FMN1: variants seen among roughly 807,000 people sequenced by gnomAD.
FMN1 encodes the protein formin 1.
FMN1 carries 110 observed loss-of-function variants against 132.4 expected under a neutral mutation model. That is an observed-to-expected ratio of 0.83 (90% CI 0.71 to 0.97). FMN1 has a LOEUF of 0.97. FMN1 is among the 50% of genes least tolerant of loss of function. The pLI, the probability that FMN1 is intolerant of heterozygous loss-of-function variation, is 0.00. For synonymous variants in FMN1, 722 were observed against 651.7 expected (o/e 1.11, Z -1.64); for missense variants, 1,792 against 1,705.3 (o/e 1.05, Z -0.90).
chr15:33,007,561 C>T (rs2034484179), intron 7 of FMN1, among the ~76,000 whole-genome samples: 1 of 152,086 alleles, frequency 6.6e-6, no homozygotes, highest in Non-Finnish European at 1.5e-5. Flanking sequence ...AGAACTCCTC[C>T]TCCTCCACCT....
chr15:32,955,521 C>CT (rs1303153514), intron 9 of FMN1, among the ~76,000 whole-genome samples: 5 of 152,116 alleles, frequency 3.3e-5, no homozygotes, highest in African/African-American at 1.2e-4. Flanking sequence ...AGCACAGGCG[C>CT]TCAGCCTCAT....
At chr15:32,923,178 G>A (rs574477131) in intron 10 of FMN1, among the ~76,000 whole-genome samples, 8 of 152,264 alleles carry the variant, frequency 5.3e-5, no homozygotes, top group African/African-American at 1.4e-4. Flanking sequence ...AGGGCTGGTC[G>A]GCTGTGAGAT....
intron 17 of FMN1, among the ~76,000 whole-genome samples, chr15:32,820,951 C>T (rs375977184): frequency 1.3e-5 from 2 of 151,890 alleles, no homozygotes; most frequent in African/African-American, 4.8e-5. Context: ...AAGAAGGTCT[C>T]GTCTACTCCC....
At chr15:32,901,784 T>C (rs2060302773) in intron 13 of FMN1, 127 bp downstream of exon 13, 2 of 680,024 alleles carry the variant, frequency 2.9e-6, no homozygotes, top group Non-Finnish European at 4.4e-6. Context: ...AATCATCAAA[T>C]TTACACTTAG....
At chr15:32,984,038 CT>C (rs1238355692) in intron 7 of FMN1, among the ~76,000 whole-genome samples, 1 of 147,830 alleles carries the variant, frequency 6.8e-6, no homozygotes, top group African/African-American at 2.7e-5. Context: ...ATTTCTTCCC[CT>C]GTCTCTACAG....
intron 3 of FMN1, among the ~76,000 whole-genome samples, chr15:33,175,236 T>C (rs531349252): frequency 1.3e-5 from 2 of 152,208 alleles, no homozygotes; most frequent in East Asian, 1.9e-4. Context: ...TTTGTTTGTT[T>C]TTGTTCTTGT....
intron 17 of FMN1, among the ~76,000 whole-genome samples, chr15:32,840,870 T>C (rs2058731162): frequency 6.6e-6 from 1 of 152,160 alleles, no homozygotes; most frequent in Non-Finnish European, 1.5e-5. Context: ...AGTGGGAGAA[T>C]CGTTGTTTAA....
rs572490221 is a variant in FMN1, at chr15:33,034,127, G to A, written c.2162-26052C>T. ...ATATACATCTAGAGCTCAGAGCTCC[G>A]TTTCCCAATGCCACACTCATAAATC... is the stretch of plus-strand genomic sequence containing the variant. On this transcript the variant is annotated intron_variant, in intron 6 of 20. Coordinates refer to ENST00000616417, the MANE Select transcript of FMN1 (RefSeq NM_001277313.2). Among the ~76,000 whole-genome samples the A allele has an allele frequency of 1.6e-4, 25 of 152,090 alleles. 2 individuals carry two copies. Among genetic ancestry groups the A allele is most frequent in the Admixed American group, 8.5e-4 (13 of 15,262 alleles).
rs779931384 is a variant in FMN1, at chr15:32,888,305, G to A, written c.3715-13C>T. ...CTGTTCCAGCTTCCTAAGAGATATG[G>A]TAAACAAAAGTACATTATACTTCCC... On this transcript the variant is annotated splice_polypyrimidine_tract_variant and intron_variant, in intron 15 of 20. Coordinates refer to ENST00000616417, the MANE Select transcript of FMN1 (RefSeq NM_001277313.2). 6.9e-6 allele frequency: 11 copies of A among 1,595,324 alleles called. No homozygotes were observed. Among genetic ancestry groups the A allele is most frequent in the African/African-American group, 1.4e-5 (1 of 73,994 alleles).
At chr15:32,788,635 C>T (rs2056961063) in intron 19 of FMN1, among the ~76,000 whole-genome samples, 1 of 152,192 alleles carries the variant, frequency 6.6e-6, no homozygotes, top group African/African-American at 2.4e-5. Flanking sequence ...CAGGAGCTGT[C>T]AGGAGTCCCA....
intron 9 of FMN1, among the ~76,000 whole-genome samples, chr15:32,953,141 G>C (rs1053009419): frequency 1.3e-5 from 2 of 152,122 alleles, no homozygotes; most frequent in East Asian, 3.9e-4. Flanking sequence ...CACTCCACTG[G>C]AGGGGCCCCC....
chr15:32,936,991 G>T (rs924689892), intron 9 of FMN1, among the ~76,000 whole-genome samples: 1 of 152,208 alleles, frequency 6.6e-6, no homozygotes, highest in East Asian at 1.9e-4. Context: ...CTCCAAGTCG[G>T]GCAAGACAGA....
chr15:32,996,121 A>G (rs1216990726), intron 7 of FMN1, among the ~76,000 whole-genome samples: 2 of 152,236 alleles, frequency 1.3e-5, no homozygotes, highest in African/African-American at 4.8e-5. Context: ...ACCACATGCC[A>G]TTGTGGCCCA....
chr15:32,886,117 T>C (rs1294116968), intron 16 of FMN1, among the ~76,000 whole-genome samples: 1 of 152,192 alleles, frequency 6.6e-6, no homozygotes, highest in Non-Finnish European at 1.5e-5. Flanking sequence ...CCAGATGGTA[T>C]TTAGAAGAAA....
At position 32,773,618 on chromosome 15, in the gene FMN1, A is replaced by C. The variant is rs2056321136; in HGVS notation, c.*692T>G. On this transcript the variant is annotated 3_prime_UTR_variant, in exon 21 of 21. Transcript: ENST00000616417. ...AAGAATGGGCCTCACTTAACAACTGATGTCAACTCCTTGCATGGTAACTTG... is the reference window on the plus strand; with the variant it reads ...AAGAATGGGCCTCACTTAACAACTGCTGTCAACTCCTTGCATGGTAACTTG... 1 of 151,846 alleles carries C rather than the reference A, an allele frequency of 6.6e-6. No homozygotes were observed. The highest frequency in any genetic ancestry group is 1.5e-5 in the Non-Finnish European group (1 of 68,072). The allele number at this position is 151,846 out of a possible 1,614,324, so 9.4% of individuals were successfully genotyped here. A position where few individuals can be genotyped will look rare whatever the true frequency, so the allele number is the denominator to read the frequency against.
chr15:33,035,636 T>TA (rs1684762407), intron 6 of FMN1, among the ~76,000 whole-genome samples: 1 of 152,168 alleles, frequency 6.6e-6, no homozygotes, highest in South Asian at 2.1e-4. Flanking sequence ...CTGCCTGCCC[T>TA]AACCATCCTA....
At chr15:33,036,498 C>G (rs1450994685) in intron 6 of FMN1, among the ~76,000 whole-genome samples, 1 of 152,114 alleles carries the variant, frequency 6.6e-6, no homozygotes, top group East Asian at 1.9e-4. Context: ...TATATTTATG[C>G]TGAAAGAAAT....
chr15:33,085,516 T>A (rs990747720), intron 5 of FMN1, among the ~76,000 whole-genome samples: 10 of 149,632 alleles, frequency 6.7e-5, no homozygotes, highest in Admixed American at 6.0e-4. Context: ...TATATACAAA[T>A]ATATATATCA....
rs71113496 is a variant in FMN1 at position 33,026,410 on chromosome 15, T to TCACACACACACACACACACACACACA, written c.2162-18361_2162-18336dup. 5.2e-3 allele frequency among the ~76,000 whole-genome samples: 725 copies of TCACACACACACACACACACACACACA among 140,174 alleles called. 5 individuals carry two copies. Among genetic ancestry groups the TCACACACACACACACACACACACACA allele is most frequent in the Non-Finnish European group, 6.4e-3 (417 of 65,014 alleles). The allele number at this position is 140,174 out of a possible 152,430, so 92.0% of individuals were successfully genotyped here. On this transcript the variant is annotated intron_variant, in intron 6 of 20. Transcript: ENST00000616417. ...AACATTAGAGGATACGTCCAAATTT[T>TCACACACACACACACACACACACACA]CACACACACACACACACACACACAC...
Sources: allele counts gnomAD v4.1 joint callset (sites outside exome capture counted in the v4.1 genomes callset), GRCh38; gene constraint gnomAD v4.1.1; transcripts MANE v1.5; gene names NCBI Gene and HGNC (gene_info 2026-07-23, HGNC 2026-07-21).